The following VAX2 variants were observed in gnomAD, a reference collection of about 807,000 sequenced individuals.
VAX2 encodes ventral anterior homeobox 2.
Under a neutral mutation model 12.5 loss-of-function variants are expected in VAX2, and 8 were observed. The ratio of observed to expected loss-of-function variants is 0.64; its 90% CI spans 0.37 to 1.15. The LOEUF (loss-of-function observed/expected upper bound fraction) is 1.15, where lower values mean the gene tolerates loss of function less well. Among genes scored for constraint, VAX2 ranks in the 50% most tolerant of loss-of-function variants. The pLI is 0.01. For missense variants in VAX2, 476 were observed against 412.9 expected, an observed-to-expected ratio of 1.15 and a Z score of -1.32; for synonymous variants, 183 against 187.6, an observed-to-expected ratio of 0.98 and a Z score of 0.20.
chr2:70,933,366 C>T lies in VAX2; in HGVS notation c.*162C>T, dbSNP rs2104791706. The T allele has an allele frequency of 3.3e-6, 2 of 599,080 alleles. No homozygotes were observed. Among genetic ancestry groups the T allele is most frequent in the East Asian group, 3.4e-5 (1 of 29,716 alleles). The allele number at this position is 599,080 out of a possible 1,614,324, so 37.1% of individuals were successfully genotyped here. ...GACTCGTGACCAAATGGCCTTGGTC[C>T]CGCAGCTTGTGTGCGTGAGTGCAGT... is the stretch of plus-strand genomic sequence containing the variant. On this transcript the variant is annotated 3_prime_UTR_variant, in exon 3 of 3. Coordinates refer to ENST00000234392, the MANE Select transcript of VAX2 (RefSeq NM_012476.3).
Position 70,921,191 on chromosome 2 carries a change from T to TGAA in VAX2, c.342_343insAAG (p.Leu114_Tyr115insLys). The TGAA allele has an allele frequency of 6.2e-7, 1 of 1,613,692 alleles. No individual in the cohort carries two copies. Among genetic ancestry groups the TGAA allele is most frequent in the Non-Finnish European group, 8.5e-7 (1 of 1,179,936 alleles). ...CGTACATCCTTCACTGCCGAGCAGC[T>TGAA]GTACCGCCTGGAGATGGAGTTCCAG... is the stretch of plus-strand genomic sequence containing the variant. On this transcript the variant is annotated inframe_insertion, in exon 2 of 3. Transcript: ENST00000234392.
chr2:70,911,459 C>T (rs186274352), intron 1 of VAX2, among the ~76,000 whole-genome samples: 44 of 152,220 alleles, frequency 2.9e-4, no homozygotes, highest in African/African-American at 1.0e-3. Context: ...ATAGAAAGCT[C>T]TATAAAAATG....
chr2:70,923,362 G>A (rs185533377), intron 2 of VAX2, among the ~76,000 whole-genome samples: 80 of 152,340 alleles, frequency 5.3e-4, no homozygotes, highest in African/African-American at 1.9e-3. Context: ...TATGGGATAC[G>A]TGTGAGATTT....
At chr2:70,931,714 C>G (rs1558663988) in intron 2 of VAX2, among the ~76,000 whole-genome samples, 1 of 152,276 alleles carries the variant, frequency 6.6e-6, no homozygotes, top group Non-Finnish European at 1.5e-5. Context: ...CTGCCTGGGC[C>G]TCTCCAGGGT....
chr2:70,918,321 A>G (rs1481520827), intron 1 of VAX2, among the ~76,000 whole-genome samples: 1 of 152,200 alleles, frequency 6.6e-6, no homozygotes, highest in Non-Finnish European at 1.5e-5. Flanking sequence ...CATACCCTGG[A>G]AGGGGAGTGT....
intron 2 of VAX2, among the ~76,000 whole-genome samples, chr2:70,922,163 C>A (rs11126309): frequency 0.8 from 122,156 of 152,216 alleles, 49,549 homozygotes; most frequent in African/African-American, 0.92. Context: ...TTGAGATTGT[C>A]AAAGAATAAC....
At chr2:70,910,095 AC>A (rs1679149718) in intron 1 of VAX2, among the ~76,000 whole-genome samples, 1 of 152,054 alleles carries the variant, frequency 6.6e-6, no homozygotes, top group South Asian at 2.1e-4. Context: ...ATTATAGGTG[AC>A]TTTTTTAAGA....
At chr2:70,920,039 T>C (rs2104775367) in intron 1 of VAX2, among the ~76,000 whole-genome samples, 1 of 152,304 alleles carries the variant, frequency 6.6e-6, no homozygotes, top group East Asian at 1.9e-4. Context: ...TTCCTGCACC[T>C]GTGGAGGGTT....
chr2:70,906,446 T>A (rs572838707), intron 1 of VAX2, among the ~76,000 whole-genome samples: 2 of 151,162 alleles, frequency 1.3e-5, no homozygotes, highest in Non-Finnish European at 3.0e-5. Flanking sequence ...TTGTAAAGGC[T>A]CAGGGCCCTC....
At chr2:70,916,100 T>G (rs1444395011) in intron 1 of VAX2, among the ~76,000 whole-genome samples, 1 of 152,340 alleles carries the variant, frequency 6.6e-6, no homozygotes, top group African/African-American at 2.4e-5. Flanking sequence ...ATAAGTGGAA[T>G]ACAGAGACAC....
intron 1 of VAX2, among the ~76,000 whole-genome samples, chr2:70,915,495 G>C (rs1170636954): frequency 6.6e-6 from 1 of 152,086 alleles, no homozygotes; most frequent in Non-Finnish European, 1.5e-5. Context: ...CTCCCAAAGT[G>C]CTGGGATTAC....
chr2:70,928,722 C>T (rs959054), intron 2 of VAX2, among the ~76,000 whole-genome samples: 51,068 of 152,006 alleles, frequency 0.34, 8,766 homozygotes, highest in East Asian at 0.49. Flanking sequence ...GTGCCACTCC[C>T]CCACTAGACC....
intron 1 of VAX2, among the ~76,000 whole-genome samples, chr2:70,908,440 C>CT (rs36017494): frequency 6.6e-6 from 1 of 152,132 alleles, no homozygotes; most frequent in South Asian, 2.1e-4. Context: ...AGTTATATAA[C>CT]TTTTTTCTTC....
chr2:70,923,748 G>A (rs568769303), intron 2 of VAX2, among the ~76,000 whole-genome samples: 21 of 152,116 alleles, frequency 1.4e-4, no homozygotes, highest in African/African-American at 3.9e-4. Flanking sequence ...GGGGAGGTGC[G>A]TGGAGCTCCC....
At chr2:70,912,546 C>A (rs1679211434) in intron 1 of VAX2, among the ~76,000 whole-genome samples, 1 of 151,972 alleles carries the variant, frequency 6.6e-6, no homozygotes, top group South Asian at 2.1e-4. Flanking sequence ...CCTGTAATCC[C>A]ATCTACTCAG....
Position 70,905,947 on chromosome 2 carries a change from C to A in VAX2, c.247+5079C>A, listed in dbSNP as rs375519589. Among the ~76,000 whole-genome samples the A allele has an allele frequency of 1.8e-4, 27 of 152,340 alleles. No homozygotes were observed. The East Asian group carries it at 3.9e-3, about 22-fold the overall frequency. ...CCAATTACCCCTTGGCTGCAGGCTC[C>A]CTTCTTGTTGGCTACATTTCTTTGA... On this transcript the variant is annotated intron_variant, in intron 1 of 2. Transcript: ENST00000234392.
chr2:70,908,431 G>A (rs1553410833), intron 1 of VAX2, among the ~76,000 whole-genome samples: 1 of 152,138 alleles, frequency 6.6e-6, no homozygotes, highest in East Asian at 1.9e-4. Context: ...AATCAGTGCA[G>A]TTATATAACT....
At chr2:70,919,202 T>A (rs1316829002) in intron 1 of VAX2, among the ~76,000 whole-genome samples, 5 of 142,430 alleles carry the variant, frequency 3.5e-5, no homozygotes, top group Admixed American at 2.9e-4. Flanking sequence ...CCACTGCACT[T>A]CAGCCTAAGC....
chr2:70,903,126 A>C (rs565563555), intron 1 of VAX2, among the ~76,000 whole-genome samples: 61 of 152,312 alleles, frequency 4.0e-4, no homozygotes, highest in African/African-American at 1.4e-3. Context: ...CTGATCAATG[A>C]AACAGGCCTG....
Sources: allele counts gnomAD v4.1 joint callset (sites outside exome capture counted in the v4.1 genomes callset), GRCh38; gene constraint gnomAD v4.1.1; transcripts MANE v1.5; gene names NCBI Gene and HGNC (gene_info 2026-07-23, HGNC 2026-07-21).